The following DSCAML1 variants were observed in gnomAD, a reference collection of about 807,000 sequenced individuals.
The protein encoded by DSCAML1 is cell adhesion molecule DSCAML1.
In DSCAML1, 38 loss-of-function variants were observed where a neutral mutation model predicts 200.5. That is an observed-to-expected ratio of 0.19 (90% CI 0.15 to 0.25). The LOEUF (loss-of-function observed/expected upper bound fraction) is 0.25. Ranked by LOEUF, DSCAML1 falls within the 10% of genes least tolerant of loss-of-function variation. The pLI is 1.00. For synonymous variants in DSCAML1, 1,215 were observed against 1,165.0 expected, an observed-to-expected ratio of 1.04 and a Z score of -0.87; for missense variants, 2,223 against 2,858.8, an observed-to-expected ratio of 0.78 and a Z score of 5.07.
intron 3 of DSCAML1, among the ~76,000 whole-genome samples, chr11:117,741,745 C>T (rs1450169685): frequency 6.6e-6 from 1 of 152,208 alleles, no homozygotes; most frequent in East Asian, 1.9e-4. Context: ...AAGCTGCAGG[C>T]CTCTGGACTC....
intron 3 of DSCAML1, among the ~76,000 whole-genome samples, chr11:117,587,785 CTT>C (rs1297704012): frequency 6.6e-6 from 1 of 152,186 alleles, no homozygotes; most frequent in Non-Finnish European, 1.5e-5. Context: ...CATGCCTCCT[CTT>C]TGTCCCTTAT....
At chr11:117,540,404 C>T (rs1429745610) in intron 3 of DSCAML1, among the ~76,000 whole-genome samples, 3 of 152,148 alleles carry the variant, frequency 2.0e-5, no homozygotes, top group South Asian at 2.1e-4. Context: ...ATCCCCCTAC[C>T]CCTGTCCCGT....
At chr11:117,643,257 C>T (rs1385273128) in intron 3 of DSCAML1, among the ~76,000 whole-genome samples, 2 of 152,072 alleles carry the variant, frequency 1.3e-5, no homozygotes, top group Non-Finnish European at 2.9e-5. Context: ...TGAAAGGGTT[C>T]GACTCAATTC....
chr11:117,501,631 G>A (rs1277460483), intron 11 of DSCAML1, among the ~76,000 whole-genome samples: 1 of 152,162 alleles, frequency 6.6e-6, no homozygotes, highest in Non-Finnish European at 1.5e-5. Context: ...TGTGACAGGA[G>A]GGGTGTGAGA....
Position 117,505,025 on chromosome 11 carries a change from A to G in DSCAML1, c.2081T>C (p.Val694Ala). 6.2e-6 allele frequency: 10 copies of G among 1,612,244 alleles called. No individual in the cohort carries two copies. The highest frequency in any genetic ancestry group is 8.5e-6 in the Non-Finnish European group (10 of 1,179,014). Residue 694 changes from valine to alanine, a missense_variant, in exon 10 of 33, where the codon GTG becomes GCG. Val to Ala is a moderately conservative substitution (Grantham distance 64). Around this residue, in one of 7 missense-constraint regions of DSCAML1, gnomAD observed 212 missense variants for 368.0 expected, o/e 0.58. Transcript: ENST00000651296. This position sits in a 1 kb window ranked among gnomAD's most constrained non-coding sequence, Gnocchi z 6.7. ...GATGCCATCCTGGTTGTTGGGTTGC[A>G]CCACAAATCGAGGGGGCACTGCAGA... ...LIVRVPPRFVVQPNNQDGIYG... is the reference protein window; with the variant it reads ...LIVRVPPRFVAQPNNQDGIYG...
intron 3 of DSCAML1, among the ~76,000 whole-genome samples, chr11:117,670,301 G>GC (rs926020656): frequency 2.6e-5 from 4 of 151,874 alleles, no homozygotes; most frequent in South Asian, 2.1e-4. Context: ...CACCACTGCC[G>GC]CCCCCCAGAC....
intron 8 of DSCAML1, among the ~76,000 whole-genome samples, chr11:117,511,654 C>T (rs1221864238): frequency 6.6e-6 from 1 of 152,154 alleles, no homozygotes; most frequent in Non-Finnish European, 1.5e-5. Context: ...TCAAAGCACC[C>T]TCCACCCTCT....
At chr11:117,791,334 C>A (rs1028520026) in intron 1 of DSCAML1, among the ~76,000 whole-genome samples, 1 of 152,220 alleles carries the variant, frequency 6.6e-6, no homozygotes, top group Non-Finnish European at 1.5e-5. Flanking sequence ...AATAGAGGTT[C>A]ATCTCAGCAG....
chr11:117,650,061 T>C (rs1266838153), intron 3 of DSCAML1, among the ~76,000 whole-genome samples: 1 of 152,206 alleles, frequency 6.6e-6, no homozygotes, highest in Non-Finnish European at 1.5e-5. Flanking sequence ...TTCAGTTTCC[T>C]CTTTTTAGGA....
chr11:117,769,334 A>T (rs1272653473), intron 3 of DSCAML1, among the ~76,000 whole-genome samples: 4 of 10,578 alleles, frequency 3.8e-4, no homozygotes, highest in Admixed American at 3.3e-3. Context: ...TTATATATAT[A>T]ATATATATTT....
intron 3 of DSCAML1, chr11:117,611,826 A>G (rs1317603763): frequency 4.6e-5 from 7 of 152,166 alleles, no homozygotes; most frequent in African/African-American, 1.2e-4. Context: ...GATGATGTCT[A>G]TTCTTCCTTT....
chr11:117,601,215 C>T (rs1342833421), intron 3 of DSCAML1, among the ~76,000 whole-genome samples: 8 of 150,938 alleles, frequency 5.3e-5, no homozygotes, highest in Non-Finnish European at 4.4e-5. Flanking sequence ...AACACTACCA[C>T]GCCTGTGTTG....
chr11:117,722,500 A>G (rs767068760), intron 3 of DSCAML1, among the ~76,000 whole-genome samples: 1 of 152,170 alleles, frequency 6.6e-6, no homozygotes, highest in Non-Finnish European at 1.5e-5. Flanking sequence ...AATTTATTGT[A>G]TGTTTTATAG....
Position 117,476,433 on chromosome 11 carries a change from CACA to C in DSCAML1, c.2785+4007_2785+4009del, listed in dbSNP as rs1189804758. ...AGCACGGAGAAGAGGCCTCCTGCGT[CACA>C]ACGACAGCTCACGACATCTCAACAC... On this transcript the variant is annotated intron_variant, in intron 14 of 32. Coordinates refer to ENST00000651296, the MANE Select transcript of DSCAML1 (RefSeq NM_020693.4). Among the ~76,000 whole-genome samples, 8 of 152,300 alleles carry C rather than the reference CACA, an allele frequency of 5.3e-5. No individual in the cohort carries two copies. The South Asian group carries it at 1.2e-3, about 24-fold the overall frequency.
At chr11:117,530,569 C>T (rs551652666) in intron 4 of DSCAML1, among the ~76,000 whole-genome samples, 248 of 152,302 alleles carry the variant, frequency 1.6e-3, no homozygotes, top group Middle Eastern at 3.4e-3. Context: ...AATATTTACT[C>T]GGCACCTCGT....
At chr11:117,440,197 C>T (rs1243539881) in intron 21 of DSCAML1, among the ~76,000 whole-genome samples, 2 of 152,172 alleles carry the variant, frequency 1.3e-5, no homozygotes, top group African/African-American at 4.8e-5. Flanking sequence ...TATTCCCTGT[C>T]CTCACGTTGA....
In DSCAML1 at chr11:117,539,606, C is replaced by CAAAAAAAAAAAAAAAAAAAAAAA. The variant is rs35130897; in HGVS notation, c.512-7107_512-7085dup. On this transcript the variant is annotated intron_variant, in intron 3 of 32. Coordinates refer to ENST00000651296, the MANE Select transcript of DSCAML1 (RefSeq NM_020693.4). Reference sequence around the variant, plus strand: ...CTGGGCAACAAGAGTAAAACTCTGTCAAAAAAAAAAAAAAAAAAAAAAAAG... The same window carrying CAAAAAAAAAAAAAAAAAAAAAAA: ...CTGGGCAACAAGAGTAAAACTCTGTCAAAAAAAAAAAAAAAAAAAAAAAAAAAAAAAAAAAAAAAAAAAAAAAG... 6.8e-4 allele frequency among the ~76,000 whole-genome samples: 36 copies of CAAAAAAAAAAAAAAAAAAAAAAA among 52,602 alleles called. 2 individuals carry two copies. The highest frequency in any genetic ancestry group is 8.1e-4 in the African/African-American group (10 of 12,350). 34.5% of individuals were successfully genotyped at this position (52,602 alleles called of 152,430 possible).
At chr11:117,465,452 T>TC (rs1328319514) in intron 16 of DSCAML1, among the ~76,000 whole-genome samples, 3 of 151,800 alleles carry the variant, frequency 2.0e-5, no homozygotes. Flanking sequence ...GGGGAAACAC[T>TC]CCTCCCCTCT....
rs568087023 is a variant in DSCAML1 at position 117,533,256 on chromosome 11, T to C, written c.512-734A>G. Among the ~76,000 whole-genome samples the C allele has an allele frequency of 3.9e-5, 6 of 152,378 alleles. No homozygotes were observed. In the South Asian group the frequency reaches 1.2e-3, roughly 32 times the overall value. Reference sequence around the variant, plus strand: ...CAAGAGTTTGCAAAACTCTTTCATATTCCTTGCTCATTGGCTTTTACAACT... The same window carrying C: ...CAAGAGTTTGCAAAACTCTTTCATACTCCTTGCTCATTGGCTTTTACAACT... On this transcript the variant is annotated intron_variant, in intron 3 of 32. Transcript: ENST00000651296.
Sources: allele counts gnomAD v4.1 joint callset (sites outside exome capture counted in the v4.1 genomes callset), GRCh38; gene constraint gnomAD v4.1.1; regional missense constraint gnomAD v4.1.1; non-coding constraint Gnocchi (gnomAD v3.1); transcripts MANE v1.5; gene names NCBI Gene and HGNC (gene_info 2026-07-23, HGNC 2026-07-21).